NRXN1: variants seen among roughly 807,000 people sequenced by gnomAD.
NRXN1 encodes neurexin-1.
In NRXN1, 39 loss-of-function variants were observed where a neutral mutation model predicts 150.9. The observed-to-expected ratio is 0.26, with a 90% CI of 0.20 to 0.34. NRXN1 has a LOEUF of 0.34. Among genes scored for constraint, NRXN1 ranks in the 10% least tolerant of loss-of-function variants. The pLI, the probability that NRXN1 is intolerant of heterozygous loss-of-function variation, is 1.00. For synonymous variants in NRXN1, 924 were observed against 757.0 expected, an observed-to-expected ratio of 1.22 and a Z score of -3.62; for missense variants, 1,815 against 1,949.9, an observed-to-expected ratio of 0.93 and a Z score of 1.30.
At chr2:50,753,066 AT>A (rs1700785559) in intron 5 of NRXN1, among the ~76,000 whole-genome samples, 1 of 151,982 alleles carries the variant, frequency 6.6e-6, no homozygotes, top group Non-Finnish European at 1.5e-5. Context: ...AAATGTACAT[AT>A]TCTAAAAGCT....
intron 17 of NRXN1, among the ~76,000 whole-genome samples, chr2:50,421,542 G>A (rs993411204): frequency 6.6e-6 from 1 of 152,038 alleles, no homozygotes; most frequent in African/African-American, 2.4e-5. Flanking sequence ...AATTCAGCTG[G>A]GCTGCATGTA....
intron 5 of NRXN1, among the ~76,000 whole-genome samples, chr2:50,825,403 C>A (rs560426611): frequency 6.6e-6 from 1 of 152,188 alleles, no homozygotes; most frequent in East Asian, 1.9e-4. Flanking sequence ...AACTTTCAGC[C>A]CCACCACCAA....
At chr2:50,878,515 C>T (rs922311297) in intron 5 of NRXN1, among the ~76,000 whole-genome samples, 1 of 151,908 alleles carries the variant, frequency 6.6e-6, no homozygotes, top group African/African-American at 2.4e-5. Flanking sequence ...CAAAAGAAAC[C>T]AGAAACCCAT....
At chr2:50,796,758 C>T (rs1706889992) in intron 5 of NRXN1, among the ~76,000 whole-genome samples, 1 of 152,292 alleles carries the variant, frequency 6.6e-6, no homozygotes, top group East Asian at 1.9e-4. Flanking sequence ...TCATAACAAT[C>T]CCATAAATTT....
intron 12 of NRXN1, among the ~76,000 whole-genome samples, chr2:50,521,974 A>G (rs2092801648): frequency 6.6e-6 from 1 of 152,174 alleles, no homozygotes; most frequent in African/African-American, 2.4e-5. Context: ...TCTTTCTAGA[A>G]AAGTCGAATA....
chr2:50,071,230 G>T (rs529503285), intron 19 of NRXN1, among the ~76,000 whole-genome samples: 1 of 152,238 alleles, frequency 6.6e-6, no homozygotes, highest in South Asian at 2.1e-4. Flanking sequence ...TTTAATCTAA[G>T]TCTTGTTTTG....
At chr2:50,846,532 T>C (rs1347870362) in intron 5 of NRXN1, among the ~76,000 whole-genome samples, 1 of 152,174 alleles carries the variant, frequency 6.6e-6, no homozygotes, top group Non-Finnish European at 1.5e-5. Flanking sequence ...AAAAGATCCA[T>C]AAACATTTTC....
At position 49,921,179 on chromosome 2, in the gene NRXN1, A is replaced by AGAG. The variant is rs1315039039; in HGVS notation, c.*762_*764dup. On this transcript the variant is annotated 3_prime_UTR_variant, in exon 23 of 23. Transcript: ENST00000401669. ...ACTTATCACAGTCCAGAAAGCACAC[A>AGAG]GAGATGGATTTTATATAAACATATG... is the stretch of plus-strand genomic sequence containing the variant. 6.6e-6 allele frequency: 1 copy of AGAG among 152,626 alleles called. No homozygotes were observed. Among genetic ancestry groups the AGAG allele is most frequent in the Non-Finnish European group, 1.5e-5 (1 of 68,036 alleles). 9.5% of individuals were successfully genotyped at this position (152,626 alleles called of 1,614,324 possible).
intron 5 of NRXN1, among the ~76,000 whole-genome samples, chr2:50,910,865 G>A (rs1012076707): frequency 6.6e-6 from 1 of 151,756 alleles, no homozygotes; most frequent in Admixed American, 6.6e-5. Flanking sequence ...ATAACTCCAG[G>A]AATCAGCCAT....
chr2:50,493,699 C>T (rs1456637036), intron 15 of NRXN1, among the ~76,000 whole-genome samples: 2 of 152,140 alleles, frequency 1.3e-5, no homozygotes, highest in East Asian at 1.9e-4. Flanking sequence ...CTGTTGCCAT[C>T]GGATCACATA....
rs142366624 is a variant in NRXN1, at chr2:49,999,903, C to T, written c.4128+53368G>A. ...ACCTTCACCCCAAGAAGGGCTTAAA[C>T]GTTTTAATAGAAATCAAAGCCTACA... On this transcript the variant is annotated intron_variant, in intron 21 of 22. Transcript: ENST00000401669. Among the ~76,000 whole-genome samples, 566 of 152,180 alleles carry T rather than the reference C, an allele frequency of 3.7e-3. 5 individuals carry two copies. The highest frequency in any genetic ancestry group is 0.012 in the African/African-American group (513 of 41,532).
rs1218262790 is a variant in NRXN1 at position 49,919,598 on chromosome 2, A to G, written c.*2346T>C. 6.6e-6 allele frequency: 1 copy of G among 151,956 alleles called. No individual in the cohort carries two copies. Among genetic ancestry groups the G allele is most frequent in the African/African-American group, 2.4e-5 (1 of 41,422 alleles). The allele number at this position is 151,956 out of a possible 1,614,324, so 9.4% of individuals were successfully genotyped here. On this transcript the variant is annotated 3_prime_UTR_variant, in exon 23 of 23. Coordinates refer to ENST00000401669, the MANE Select transcript of NRXN1 (RefSeq NM_001330078.2). ...CTTCAAGCTGTAAATTAGTAGTTTT[A>G]CACTTCCCTTCTTATTTAACTGGCT...
At chr2:50,970,642 A>G (rs2104781213) in intron 2 of NRXN1, among the ~76,000 whole-genome samples, 1 of 152,298 alleles carries the variant, frequency 6.6e-6, no homozygotes, top group African/African-American at 2.4e-5. Flanking sequence ...AGAAAAAATA[A>G]TTAAGATCAG....
chr2:50,801,688 G>A (rs543193637), intron 5 of NRXN1, among the ~76,000 whole-genome samples: 220 of 152,200 alleles, frequency 1.4e-3, no homozygotes, highest in South Asian at 2.3e-3. Context: ...AATGTTTTGT[G>A]AGAATCTAGT....
intron 21 of NRXN1, among the ~76,000 whole-genome samples, chr2:49,970,869 C>T (rs530722340): frequency 6.6e-6 from 1 of 151,974 alleles, no homozygotes. Flanking sequence ...GGTAAAGCAA[C>T]AGAGGAATAA....
chr2:50,841,723 A>T (rs1559338927), intron 5 of NRXN1, among the ~76,000 whole-genome samples: 1 of 152,192 alleles, frequency 6.6e-6, no homozygotes, highest in Non-Finnish European at 1.5e-5. Flanking sequence ...GGGAAAAAAA[A>T]TTGTAATTTT....
At chr2:50,648,350 G>GTAC (rs1685118427) in intron 5 of NRXN1, among the ~76,000 whole-genome samples, 1 of 152,002 alleles carries the variant, frequency 6.6e-6, no homozygotes, top group African/African-American at 2.4e-5. Context: ...AAATCCCTTA[G>GTAC]TAGTTCTATT....
intron 21 of NRXN1, among the ~76,000 whole-genome samples, chr2:50,046,018 T>A (rs1054325652): frequency 3.3e-5 from 5 of 152,218 alleles, no homozygotes; most frequent in African/African-American, 1.2e-4. Flanking sequence ...CCAGGATAGA[T>A]ACAGAAATCA....
chr2:50,161,776 T>G (rs2059377692), intron 18 of NRXN1, among the ~76,000 whole-genome samples: 1 of 152,146 alleles, frequency 6.6e-6, no homozygotes, highest in Admixed American at 6.6e-5. Flanking sequence ...TCTTGCTTAT[T>G]TTTTAACTCT....
Sources: gnomAD v4.1 joint callset for allele counts (sites outside exome capture counted in the v4.1 genomes callset) on GRCh38, gnomAD v4.1.1 for gene constraint, MANE v1.5 for transcripts, NCBI Gene and HGNC (gene_info 2026-07-23, HGNC 2026-07-21) for gene names.